The following DOK7 variants were observed in gnomAD, a reference collection of about 807,000 sequenced individuals.
DOK7 encodes the protein docking protein 7, also known as protein Dok-7.
In DOK7, 32 loss-of-function variants were observed where a neutral mutation model predicts 30.7. The observed-to-expected ratio is 1.04, with a 90% confidence interval of 0.79 to 1.40. The LOEUF (loss-of-function observed/expected upper bound fraction) is 1.40, where lower values mean the gene tolerates loss of function less well. Among genes scored for constraint, DOK7 ranks in the 40% most tolerant of loss-of-function variants. The pLI, the probability that DOK7 is intolerant of heterozygous loss-of-function variation, is 0.00. For missense variants in DOK7, 1,007 were observed against 699.2 expected (o/e 1.44, Z -4.97); for synonymous variants, 447 against 324.1 (o/e 1.38, Z -4.07).
chr4:3,483,588 G>C (rs371404697), intron 4 of DOK7, among the ~76,000 whole-genome samples: 13 of 152,200 alleles, frequency 8.5e-5, no homozygotes, highest in Admixed American at 8.5e-4. Flanking sequence ...CCGTGTCTTC[G>C]GGGTGAGTGA....
intron 2 of DOK7, among the ~76,000 whole-genome samples, chr4:3,464,880 A>G (rs980228366): frequency 2.6e-5 from 4 of 152,166 alleles, no homozygotes; most frequent in African/African-American, 9.7e-5. Context: ...GGAGTTTGCA[A>G]TGGGTCCCCC....
At chr4:3,466,424 G>A (rs991353833) in intron 2 of DOK7, among the ~76,000 whole-genome samples, 1 of 152,064 alleles carries the variant, frequency 6.6e-6, no homozygotes, top group African/African-American at 2.4e-5. Context: ...CCTCCACAGC[G>A]CCTCCGCTAA....
intron 4 of DOK7, 83 bp downstream of exon 4, chr4:3,476,625 C>G: frequency 6.4e-7 from 1 of 1,564,746 alleles, no homozygotes; most frequent in Non-Finnish European, 8.8e-7. Flanking sequence ...GCCGGCCGAC[C>G]CCACTTGCAG....
In DOK7 at chr4:3,489,792, T is replaced by C. The variant is rs755782908; in HGVS notation, c.768T>C (p.Ser256=). 20 of 1,573,666 alleles carry C rather than the reference T, an allele frequency of 1.3e-5. No homozygotes were observed. The highest frequency in any genetic ancestry group is 2.3e-5 in the South Asian group (2 of 85,774). ...TCTCACATGCGGGCAGGCCGGGCAG[T>C]GGAGGTAGGGCCGGGGGCTGACCTG... The part of the protein sequence containing the change: ...SLLSHAGRPG[S]GGDDRSLSSS... Residue 256 remains serine, a synonymous_variant, in exon 6 of 7, where the codon AGT becomes AGC. Coordinates refer to ENST00000340083, the MANE Select transcript of DOK7 (RefSeq NM_173660.5).
In DOK7 at chr4:3,493,615, G is replaced by T. The variant is rs1026279841; in HGVS notation, c.*114G>T. On this transcript the variant is annotated 3_prime_UTR_variant, in exon 7 of 7. Coordinates refer to ENST00000340083, the MANE Select transcript of DOK7 (RefSeq NM_173660.5). Reference sequence around the variant, plus strand: ...TGCTCTGTGTTCTGTGGGAGGGACCGGGGGTCTCCCGGAGAGGGGAGCTGG... The same window carrying T: ...TGCTCTGTGTTCTGTGGGAGGGACCTGGGGTCTCCCGGAGAGGGGAGCTGG... The T allele has an allele frequency of 1.1e-5, 16 of 1,507,040 alleles. No homozygotes were observed. Among genetic ancestry groups the T allele is most frequent in the Non-Finnish European group, 1.4e-5 (16 of 1,125,170 alleles). 93.4% of individuals were successfully genotyped at this position (1,507,040 alleles called of 1,614,324 possible).
chr4:3,476,601 A>C, intron 4 of DOK7, 59 bp downstream of exon 4: 1 of 1,605,910 alleles, frequency 6.2e-7, no homozygotes. Context: ...TCCCCTGAGA[A>C]CTGCTGGCTT....
chr4:3,465,558 G>A (rs1726217468), intron 2 of DOK7, among the ~76,000 whole-genome samples: 1 of 152,232 alleles, frequency 6.6e-6, no homozygotes, highest in South Asian at 2.1e-4. Flanking sequence ...GGGCCCCGAT[G>A]TGCACCTTTT....
Position 3,491,513 on chromosome 4 carries a change from T to G in DOK7, c.773-1246T>G, listed in dbSNP as rs550590817. On this transcript the variant is annotated intron_variant, in intron 6 of 6. Coordinates refer to ENST00000340083, the MANE Select transcript of DOK7 (RefSeq NM_173660.5). ...CCTTGTCCCTCCGCTTATTCCTTCC[T>G]TCTGTCTGTTCATTCATTTCTTCCT... 1.3e-3 allele frequency among the ~76,000 whole-genome samples: 136 copies of G among 108,772 alleles called. 3 individuals are homozygous for G. The highest frequency in any genetic ancestry group is 8.8e-4 in the Non-Finnish European group (44 of 49,760). The allele number at this position is 108,772 out of a possible 152,430, so 71.4% of individuals were successfully genotyped here. A position where few individuals can be genotyped will look rare whatever the true frequency, so the allele number is the denominator to read the frequency against.
intron 4 of DOK7, chr4:3,484,577 G>C (rs1173792460): frequency 1.0e-6 from 1 of 985,242 alleles, no homozygotes; most frequent in Admixed American, 6.1e-5. Flanking sequence ...ATTCACCCCT[G>C]GCCGGGAGGG....
chr4:3,465,898 C>T (rs954479463), intron 2 of DOK7, among the ~76,000 whole-genome samples: 1 of 152,232 alleles, frequency 6.6e-6, no homozygotes, highest in South Asian at 2.1e-4. Flanking sequence ...ATGCCAGCGG[C>T]GCCTGGCCCA....
chr4:3,483,329 G>A (rs1311643368), intron 4 of DOK7, among the ~76,000 whole-genome samples: 1 of 150,172 alleles, frequency 6.7e-6, no homozygotes, highest in Non-Finnish European at 1.5e-5. Context: ...CAAGACCGGG[G>A]GGGGCTGGGT....
chr4:3,463,567 G>A lies in DOK7; in HGVS notation c.100+16G>A. 1.3e-6 allele frequency: 2 copies of A among 1,514,490 alleles called. No homozygotes were observed. The highest frequency in any genetic ancestry group is 1.8e-6 in the Non-Finnish European group (2 of 1,132,884). The allele number at this position is 1,514,490 out of a possible 1,614,324, so 93.8% of individuals were successfully genotyped here. A position where few individuals can be genotyped will look rare whatever the true frequency, so the allele number is the denominator to read the frequency against. ...CCCGTGGCAGGTGAGCGGGGCGGGC[G>A]GGGGACGGGGGGCGCGGGGGTAGCG... On this transcript the variant is annotated intron_variant, in intron 2 of 6. Transcript: ENST00000340083.
rs150549589 is a variant in DOK7 at position 3,492,817 on chromosome 4, C to T, written c.831C>T (p.Ala277=). 1.6e-3 allele frequency: 2,530 copies of T among 1,612,678 alleles called. 9 individuals are homozygous for T. The highest frequency in any genetic ancestry group is 6.8e-3 in the Middle Eastern group (41 of 6,062). Residue 277 remains alanine, a synonymous_variant, in exon 7 of 7, where the codon GCC becomes GCT. Transcript: ENST00000340083. ...SSEASHLDVS[A]SSRLTAWPEQ... ...AGGCCAGTCACTTGGACGTCAGCGC[C>T]AGCAGCCGGCTCACCGCATGGCCAG... is the stretch of plus-strand genomic sequence containing the variant.
At chr4:3,500,653 T>C in intron 7 of DOK7, 1 of 1,535,452 alleles carries the variant, frequency 6.5e-7, no homozygotes, top group Non-Finnish European at 8.7e-7. Context: ...GCTGGGTGGC[T>C]CGGGGCGCAG....
At chr4:3,474,816 C>T (rs540199172) in intron 3 of DOK7, among the ~76,000 whole-genome samples, 1 of 149,944 alleles carries the variant, frequency 6.7e-6, no homozygotes, top group South Asian at 2.1e-4. Context: ...AGTAGGACTC[C>T]ATCTCAAAAA....
At chr4:3,490,823 GCCTTCCCCCCATTCATTCCTT>G (rs372587797) in intron 6 of DOK7, among the ~76,000 whole-genome samples, 2,784 of 42,406 alleles carry the variant, frequency 0.066, 164 homozygotes, top group African/African-American at 0.21. Flanking sequence ...ATTCATTCCT[GCCTTCCCCCCATTCATTCCTT>G]CCTTCCCCCC....
chr4:3,470,595 G>A (rs2344206), intron 2 of DOK7, among the ~76,000 whole-genome samples: 19,218 of 152,236 alleles, frequency 0.13, 1,334 homozygotes, highest in Middle Eastern at 0.18. Context: ...CTTGTGGAAG[G>A]TGTGAGAAGC....
intron 4 of DOK7, among the ~76,000 whole-genome samples, chr4:3,479,735 C>T (rs1577157497): frequency 6.6e-6 from 1 of 152,210 alleles, no homozygotes; most frequent in African/African-American, 2.4e-5. Flanking sequence ...TGGAGACAGG[C>T]CTGGCTGGTC....
At chr4:3,465,370 C>T (rs1577136905) in intron 2 of DOK7, among the ~76,000 whole-genome samples, 2 of 152,350 alleles carry the variant, frequency 1.3e-5, no homozygotes, top group Middle Eastern at 6.8e-3. Context: ...CCGCTCAGCG[C>T]TGGAGACCAC....
Sources: gnomAD v4.1 joint callset for allele counts (sites outside exome capture counted in the v4.1 genomes callset) on GRCh38, gnomAD v4.1.1 for gene constraint, MANE v1.5 for transcripts, NCBI Gene and HGNC (gene_info 2026-07-23, HGNC 2026-07-21) for gene names.